The following BUB3 variants were observed in gnomAD, a reference collection of about 807,000 sequenced individuals.
BUB3 encodes BUB3 mitotic checkpoint protein.
Under a neutral mutation model 39.9 loss-of-function variants are expected in BUB3, and 22 were observed. That is an observed-to-expected ratio of 0.55 (90% CI 0.39 to 0.79). BUB3 has a LOEUF of 0.79. BUB3 is among the 30% of genes least tolerant of loss of function. The pLI, the probability that BUB3 is intolerant of heterozygous loss-of-function variation, is 0.00. For synonymous variants in BUB3, 168 were observed against 155.1 expected (o/e 1.08, Z -0.62); for missense variants, 303 against 415.4 (o/e 0.73, Z 2.35).
chr10:123,154,569 A>G, intron 1 of BUB3, 84 bp downstream of exon 1: 1 of 196,996 alleles, frequency 5.1e-6, no homozygotes, highest in South Asian at 1.1e-4. Flanking sequence ...TTCGATTCGC[A>G]GGGGATCCCG....
intron 3 of BUB3, among the ~76,000 whole-genome samples, chr10:123,156,910 AT>A (rs1210816376): frequency 6.6e-6 from 1 of 151,912 alleles, no homozygotes. Context: ...TGCTCGGCTA[AT>A]TTTTGTATTT....
chr10:123,170,002 A>G lies in BUB3; in HGVS notation c.*6167A>G, dbSNP rs1844531024. 1 of 152,232 alleles carries G rather than the reference A, an allele frequency of 6.6e-6. No homozygotes were observed. Among genetic ancestry groups the G allele is most frequent in the East Asian group, 1.9e-4 (1 of 5,200 alleles). The allele number at this position is 152,232 out of a possible 1,614,324, so 9.4% of individuals were successfully genotyped here. On this transcript the variant is annotated 3_prime_UTR_variant, in exon 8 of 8. Coordinates refer to ENST00000368865, the MANE Select transcript of BUB3 (RefSeq NM_004725.4). ...AGTGCGGGAGGTTGAGGTTGCAGTGAGCTGAAGTTGCACCACTGCACTCCA... is the reference window on the plus strand; with the variant it reads ...AGTGCGGGAGGTTGAGGTTGCAGTGGGCTGAAGTTGCACCACTGCACTCCA...
Position 123,164,791 on chromosome 10 carries a change from G to A in BUB3, c.*956G>A. 8.0e-7 allele frequency: 1 copy of A among 1,244,768 alleles called. No individual in the cohort carries two copies. Among genetic ancestry groups the A allele is most frequent in the Non-Finnish European group, 1.0e-6 (1 of 991,936 alleles). The allele number at this position is 1,244,768 out of a possible 1,614,324, so 77.1% of individuals were successfully genotyped here. On this transcript the variant is annotated 3_prime_UTR_variant, in exon 8 of 8. Coordinates refer to ENST00000368865, the MANE Select transcript of BUB3 (RefSeq NM_004725.4). ...ATTCATTTCAATGTAATGCACTAAA[G>A]CAGAACACGAACTTAGCTTGGCCTA...
rs1203130903 is a variant in BUB3 at position 123,165,483 on chromosome 10, C to G, written c.*1648C>G. ...GACATTTTACCTTTAAGTCCACTCT[C>G]CCTCGTTTAATTGTCTCCTCTGATG... On this transcript the variant is annotated 3_prime_UTR_variant, in exon 8 of 8. Transcript: ENST00000368865. 6.3e-6 allele frequency: 1 copy of G among 158,586 alleles called. No homozygotes were observed. Among genetic ancestry groups the G allele is most frequent in the African/African-American group, 2.4e-5 (1 of 41,578 alleles). 9.8% of individuals were successfully genotyped at this position (158,586 alleles called of 1,614,324 possible).
chr10:123,160,403 A>G lies in BUB3; in HGVS notation c.418-4A>G, dbSNP rs1844405922. On this transcript the variant is annotated splice_polypyrimidine_tract_variant and splice_region_variant and intron_variant, in intron 4 of 7. Transcript: ENST00000368865. Reference sequence around the variant, plus strand: ...TTTTAGCAAGTTTTGATCTTTTTTAAAAGGTATATACCCTCTCAGTGTCTG... The same window carrying G: ...TTTTAGCAAGTTTTGATCTTTTTTAGAAGGTATATACCCTCTCAGTGTCTG... The G allele has an allele frequency of 6.6e-7, 1 of 1,518,964 alleles. No individual in the cohort carries two copies. Among genetic ancestry groups the G allele is most frequent in the Non-Finnish European group, 8.8e-7 (1 of 1,135,766 alleles). 94.1% of individuals were successfully genotyped at this position (1,518,964 alleles called of 1,614,324 possible).
chr10:123,164,851 A>G lies in BUB3; in HGVS notation c.*1016A>G, dbSNP rs980158578. On this transcript the variant is annotated 3_prime_UTR_variant, in exon 8 of 8. Coordinates refer to ENST00000368865, the MANE Select transcript of BUB3 (RefSeq NM_004725.4). The stretch of plus-strand genomic sequence containing the variant: ...GTTCCAAATAGTATTTTTGTTGTCA[A>G]ACTTTAAAATTTATATTAATTTGCA... 5.2e-6 allele frequency: 7 copies of G among 1,355,074 alleles called. No homozygotes were observed. The highest frequency in any genetic ancestry group is 6.6e-6 in the Non-Finnish European group (7 of 1,055,896). The allele number at this position is 1,355,074 out of a possible 1,614,324, so 83.9% of individuals were successfully genotyped here. A position where few individuals can be genotyped will look rare whatever the true frequency, so the allele number is the denominator to read the frequency against.
chr10:123,161,487 GC>G (rs1844423400), intron 5 of BUB3, among the ~76,000 whole-genome samples: 1 of 151,942 alleles, frequency 6.6e-6, no homozygotes. Flanking sequence ...TTATTTTAAT[GC>G]CATTATATCT....
At position 123,170,251 on chromosome 10, in the gene BUB3, T is replaced by C. The variant is rs1844532863; in HGVS notation, c.*6416T>C. 1 of 152,238 alleles carries C rather than the reference T, an allele frequency of 6.6e-6. No homozygotes were observed. Among genetic ancestry groups the C allele is most frequent in the African/African-American group, 2.4e-5 (1 of 41,458 alleles). The allele number at this position is 152,238 out of a possible 1,614,324, so 9.4% of individuals were successfully genotyped here. A position where few individuals can be genotyped will look rare whatever the true frequency, so the allele number is the denominator to read the frequency against. On this transcript the variant is annotated 3_prime_UTR_variant, in exon 8 of 8. Coordinates refer to ENST00000368865, the MANE Select transcript of BUB3 (RefSeq NM_004725.4). ...CAGATATAATTATTAGCTGACTTTT[T>C]AGATTCTTTTTTCTTTTACATGATG...
chr10:123,160,505 G>A lies in BUB3; in HGVS notation c.516G>A (p.Gln172=), dbSNP rs1433843174. The A allele has an allele frequency of 6.2e-7, 1 of 1,613,160 alleles. No individual in the cohort carries two copies. The highest frequency in any genetic ancestry group is 1.7e-5 in the Admixed American group (1 of 59,800). ...TACGGAACATGGGTTACGTGCAGCA[G>A]CGCAGGGAGTCCAGCCTGAAATACC... ...WDLRNMGYVQ[Q]RRESSLKYQT... Residue 172 remains glutamine (Q), a synonymous_variant, in exon 5 of 8, where the codon CAG becomes CAA. Coordinates refer to ENST00000368865, the MANE Select transcript of BUB3 (RefSeq NM_004725.4).
In BUB3 at chr10:123,154,413, G is replaced by A. The variant is rs1430464983; in HGVS notation, c.-73G>A. 6.4e-6 allele frequency: 1 copy of A among 155,140 alleles called. No individual in the cohort carries two copies. Among genetic ancestry groups the A allele is most frequent in the Admixed American group, 6.5e-5 (1 of 15,336 alleles). 9.6% of individuals were successfully genotyped at this position (155,140 alleles called of 1,614,324 possible). Reference sequence around the variant, plus strand: ...TTCGCCTAGCCTGCGAGTGTTCTGAGGGAAGCAAGGAGGCGGCGGCGGCCG... The same window carrying A: ...TTCGCCTAGCCTGCGAGTGTTCTGAAGGAAGCAAGGAGGCGGCGGCGGCCG... On this transcript the variant is annotated 5_prime_UTR_variant, in exon 1 of 8. Coordinates refer to ENST00000368865, the MANE Select transcript of BUB3 (RefSeq NM_004725.4).
rs11248417 is a variant in BUB3 at position 123,157,334 on chromosome 10, A to C, written c.266-395A>C. Among the ~76,000 whole-genome samples the C allele has an allele frequency of 2.5e-4, 38 of 152,358 alleles. No homozygotes were observed. In the East Asian group the frequency reaches 7.1e-3, roughly 29 times the overall value. ...CTCCATTCATTTGTTTATTCAACAG[A>C]TATTTCTTGAGCACCTAGCCTGTAC... is the stretch of plus-strand genomic sequence containing the variant. On this transcript the variant is annotated intron_variant, in intron 3 of 7. Transcript: ENST00000368865.
Position 123,164,042 on chromosome 10 carries a change from A to G in BUB3, c.*207A>G. ...ATGAGATGGTTTGATGGTTTGCTGC[A>G]TTAAAGGTATTTGGGCAAACAAAAT... On this transcript the variant is annotated 3_prime_UTR_variant, in exon 8 of 8. Coordinates refer to ENST00000368865, the MANE Select transcript of BUB3 (RefSeq NM_004725.4). 1.6e-6 allele frequency: 2 copies of G among 1,253,550 alleles called. No homozygotes were observed. The highest frequency in any genetic ancestry group is 2.0e-6 in the Non-Finnish European group (2 of 997,560). 77.7% of individuals were successfully genotyped at this position (1,253,550 alleles called of 1,614,324 possible).
In BUB3 at chr10:123,167,555, TTGA is replaced by T. The variant is rs1462281572; in HGVS notation, c.*3722_*3724del. ...TCTGGCACATGACTGTTGGACCACT[TTGA>T]TATTGCTGAATTATATAGACTCCTT... On this transcript the variant is annotated 3_prime_UTR_variant, in exon 8 of 8. Coordinates refer to ENST00000368865, the MANE Select transcript of BUB3 (RefSeq NM_004725.4). 1.3e-5 allele frequency: 2 copies of T among 152,204 alleles called. No homozygotes were observed. Among genetic ancestry groups the T allele is most frequent in the African/African-American group, 4.8e-5 (2 of 41,450 alleles). The allele number at this position is 152,204 out of a possible 1,614,324, so 9.4% of individuals were successfully genotyped here. A position where few individuals can be genotyped will look rare whatever the true frequency, so the allele number is the denominator to read the frequency against.
chr10:123,162,334 A>G lies in BUB3; in HGVS notation c.675A>G (p.Arg225=), dbSNP rs1337379521. 6.2e-7 allele frequency: 1 copy of G among 1,614,164 alleles called. No homozygotes were observed. The highest frequency in any genetic ancestry group is 1.1e-5 in the South Asian group (1 of 91,078). ...QKKKYAFKCH[R]LKENNIEQIY... ...AGAAGTATGCCTTCAAATGTCACAGACTAAAAGAAAATAATATTGAGCAGA... is the reference window on the plus strand; with the variant it reads ...AGAAGTATGCCTTCAAATGTCACAGGCTAAAAGAAAATAATATTGAGCAGA... The change falls in exon 6 of 8, where the codon AGA becomes AGG. Residue 225 remains arginine, a synonymous_variant. Coordinates refer to ENST00000368865, the MANE Select transcript of BUB3 (RefSeq NM_004725.4).
intron 2 of BUB3, 99 bp from the exon 3 acceptor site, chr10:123,155,559 C>A: frequency 2.7e-6 from 3 of 1,118,386 alleles, no homozygotes; most frequent in Non-Finnish European, 4.0e-6. Context: ...GAGCCCAGTG[C>A]ATATCCCGAG....
chr10:123,155,180 C>G (rs529848309), intron 2 of BUB3, 68 bp downstream of exon 2: 1 of 1,531,886 alleles, frequency 6.5e-7, no homozygotes, highest in Non-Finnish European at 8.8e-7. Context: ...AGGAGCGTTT[C>G]TTTTCCAGTG....
chr10:123,156,171 T>C (rs959482647), intron 3 of BUB3, among the ~76,000 whole-genome samples: 2 of 152,244 alleles, frequency 1.3e-5, no homozygotes, highest in South Asian at 4.1e-4. Flanking sequence ...GTGTTTGTTT[T>C]AGGTATTTAG....
In BUB3 at chr10:123,162,772, A is replaced by G. The variant is rs542101472; in HGVS notation, c.915A>G (p.Glu305=). The change falls in exon 7 of 8, where the codon GAA becomes GAG. Residue 305 remains glutamate (E), a synonymous_variant. Transcript: ENST00000368865. ...ATATGTATGAAATGGATGACACAGA[A>G]CATCCTGAAGATGGTATCTTCATTC... ...SSYMYEMDDT[E]HPEDGIFIRQ... is the part of the protein sequence containing the mutation. 1 of 1,614,034 alleles carries G rather than the reference A, an allele frequency of 6.2e-7. No individual in the cohort carries two copies. Among genetic ancestry groups the G allele is most frequent in the South Asian group, 1.1e-5 (1 of 91,040 alleles).
chr10:123,162,865 C>A, intron 7 of BUB3, 37 bp downstream of exon 7: 2 of 1,564,986 alleles, frequency 1.3e-6, no homozygotes, highest in South Asian at 1.1e-5. Flanking sequence ...CCTTTTCTTG[C>A]ATTCAACCCA....
Sources: allele counts gnomAD v4.1 joint callset (sites outside exome capture counted in the v4.1 genomes callset), GRCh38; gene constraint gnomAD v4.1.1; transcripts MANE v1.5; gene names NCBI Gene and HGNC (gene_info 2026-07-23, HGNC 2026-07-21).